The following RBFOX1 variants were observed in gnomAD, a reference collection of about 807,000 sequenced individuals.
The protein encoded by RBFOX1 is RNA binding protein fox-1 homolog 1.
Under a neutral mutation model 57.7 loss-of-function variants are expected in RBFOX1, and 8 were observed. The observed-to-expected ratio is 0.14, with a 90% CI of 0.08 to 0.25. The LOEUF is 0.25. Among genes scored for constraint, RBFOX1 ranks in the 10% least tolerant of loss-of-function variants. RBFOX1 has a pLI of 1.00. For synonymous variants in RBFOX1, 326 were observed against 222.4 expected (o/e 1.47, Z -4.15); for missense variants, 611 against 548.5 (o/e 1.11, Z -1.14).
intron 3 of RBFOX1, among the ~76,000 whole-genome samples, chr16:7,026,658 A>C (rs1445106524): frequency 6.6e-6 from 1 of 152,148 alleles, no homozygotes; most frequent in African/African-American, 2.4e-5. Context: ...CAGCTGAAAC[A>C]ACCAGAAATA....
intron 3 of RBFOX1, among the ~76,000 whole-genome samples, chr16:6,997,164 A>C (rs938202541): frequency 3.3e-5 from 5 of 152,114 alleles, no homozygotes; most frequent in Non-Finnish European, 4.4e-5. Flanking sequence ...AGCTGAAATT[A>C]AATAGAGAAT....
chr16:7,085,692 GA>G (rs2059883411), intron 4 of RBFOX1, among the ~76,000 whole-genome samples: 1 of 152,178 alleles, frequency 6.6e-6, no homozygotes, highest in Non-Finnish European at 1.5e-5. Context: ...AATTTGTGGG[GA>G]TCATGTCCGG....
At chr16:5,764,673 A>T (rs1225316343) in intron 3 of RBFOX1, among the ~76,000 whole-genome samples, 2 of 152,100 alleles carry the variant, frequency 1.3e-5, no homozygotes, top group Non-Finnish European at 2.9e-5. Context: ...ACCAACCTGG[A>T]CTCAGTTCCC....
At chr16:6,694,055 C>T (rs1374556303) in intron 3 of RBFOX1, among the ~76,000 whole-genome samples, 2 of 152,236 alleles carry the variant, frequency 1.3e-5, no homozygotes, top group Non-Finnish European at 2.9e-5. Flanking sequence ...TATGTCACTA[C>T]TCAGATGCTG....
intron 3 of RBFOX1, among the ~76,000 whole-genome samples, chr16:6,722,819 A>G (rs2066293203): frequency 6.6e-6 from 1 of 152,188 alleles, no homozygotes; most frequent in Non-Finnish European, 1.5e-5. Context: ...AGATGGGTAC[A>G]TTGGCTGCAA....
chr16:7,638,033 A>T (rs1017219124), intron 11 of RBFOX1, among the ~76,000 whole-genome samples: 3 of 152,202 alleles, frequency 2.0e-5, no homozygotes, highest in Admixed American at 6.5e-5. Flanking sequence ...GATTTAAAAA[A>T]TAATTTGGGT....
chr16:7,504,038 T>C (rs549054980), intron 4 of RBFOX1, among the ~76,000 whole-genome samples: 15 of 152,304 alleles, frequency 9.8e-5, no homozygotes, highest in African/African-American at 3.6e-4. Context: ...TGAAACTTTC[T>C]GTATAATTAT....
intron 3 of RBFOX1, among the ~76,000 whole-genome samples, chr16:5,611,760 T>A (rs1379483665): frequency 1.2e-4 from 2 of 16,590 alleles, no homozygotes; most frequent in Non-Finnish European, 3.0e-4. Context: ...TCACCCTTCT[T>A]TTCAGTCTCC....
chr16:7,293,185 G>A (rs1373396968), intron 4 of RBFOX1, among the ~76,000 whole-genome samples: 1 of 152,152 alleles, frequency 6.6e-6, no homozygotes, highest in African/African-American at 2.4e-5. Flanking sequence ...AATTGTGTCT[G>A]TGCTAAACAT....
chr16:5,369,036 C>G (rs1262906224), intron 1 of RBFOX1, among the ~76,000 whole-genome samples: 1 of 152,162 alleles, frequency 6.6e-6, no homozygotes, highest in East Asian at 1.9e-4. Flanking sequence ...GAGTCTTGCT[C>G]TGTTGCCCAG....
At chr16:6,361,394 C>T (rs1473747441) in intron 2 of RBFOX1, among the ~76,000 whole-genome samples, 1 of 152,042 alleles carries the variant, frequency 6.6e-6, no homozygotes, top group Non-Finnish European at 1.5e-5. Context: ...GTTTGGGAGG[C>T]CGAGGCGGGT....
intron 3 of RBFOX1, among the ~76,000 whole-genome samples, chr16:5,730,473 A>G (rs1472997333): frequency 3.3e-5 from 5 of 152,174 alleles, no homozygotes; most frequent in Non-Finnish European, 7.3e-5. Context: ...CTGTTAATCT[A>G]TGATCCTATC....
chr16:6,339,640 T>C (rs181318838), intron 2 of RBFOX1, among the ~76,000 whole-genome samples: 211 of 146,674 alleles, frequency 1.4e-3, no homozygotes, highest in African/African-American at 5.4e-3. Context: ...TCTTAAGCGA[T>C]TCCTTTATTT....
At chr16:6,279,808 GATA>G (rs2076192155) in intron 1 of RBFOX1, among the ~76,000 whole-genome samples, 1 of 151,994 alleles carries the variant, frequency 6.6e-6, no homozygotes, top group Non-Finnish European at 1.5e-5. Flanking sequence ...ATAAACAAAA[GATA>G]ATGATAAATG....
intron 2 of RBFOX1, among the ~76,000 whole-genome samples, chr16:6,633,542 C>T (rs1186814101): frequency 1.3e-5 from 2 of 152,284 alleles, no homozygotes; most frequent in South Asian, 2.1e-4. Flanking sequence ...GATCCCCCCA[C>T]CTGGGCCTCC....
At chr16:6,183,172 A>G (rs1385361160) in intron 1 of RBFOX1, among the ~76,000 whole-genome samples, 2 of 152,080 alleles carry the variant, frequency 1.3e-5, no homozygotes, top group South Asian at 2.1e-4. Context: ...ATTAATCGCC[A>G]TGAAGAAGAA....
chr16:6,944,507 C>A (rs1437268308), intron 3 of RBFOX1, among the ~76,000 whole-genome samples: 2 of 152,034 alleles, frequency 1.3e-5, no homozygotes, highest in African/African-American at 4.8e-5. Context: ...GACTTTGGAT[C>A]AGAGTGATAG....
chr16:5,697,023 A>G (rs548572810), intron 3 of RBFOX1, among the ~76,000 whole-genome samples: 43 of 152,116 alleles, frequency 2.8e-4, no homozygotes, highest in Admixed American at 1.6e-3. Flanking sequence ...AGCAATTCTC[A>G]TGCCTCAGCC....
chr16:6,411,701 T>C (rs1310974349), intron 2 of RBFOX1, among the ~76,000 whole-genome samples: 2 of 152,266 alleles, frequency 1.3e-5, no homozygotes, highest in Non-Finnish European at 2.9e-5. Context: ...TCTAACCTAC[T>C]GCATGCTCTC....
Sources: allele counts gnomAD v4.1 joint callset (sites outside exome capture counted in the v4.1 genomes callset), GRCh38; gene constraint gnomAD v4.1.1; transcripts MANE v1.5; gene names NCBI Gene and HGNC (gene_info 2026-07-23, HGNC 2026-07-21).